The following NCALD variants were observed in gnomAD, a reference collection of about 807,000 sequenced individuals.
The protein encoded by NCALD is neurocalcin delta, also known as neurocalcin-delta.
Under a neutral mutation model 18.6 loss-of-function variants are expected in NCALD, and 10 were observed. That is an observed-to-expected ratio of 0.54 (90% CI 0.33 to 0.91). NCALD has a LOEUF of 0.91. NCALD is among the 40% of genes least tolerant of loss of function. The pLI is 0.03. For synonymous variants in NCALD, 88 were observed against 87.4 expected (o/e 1.01, Z -0.04); for missense variants, 184 against 247.6 (o/e 0.74, Z 1.72).
At chr8:102,009,964 C>G (rs561536447) in intron 2 of NCALD, among the ~76,000 whole-genome samples, 1 of 152,324 alleles carries the variant, frequency 6.6e-6, no homozygotes, top group South Asian at 2.1e-4. Context: ...CTGTGTCCCC[C>G]AGTACTGGGG....
chr8:101,975,132 G>A (rs1372045380), intron 2 of NCALD: 1 of 152,136 alleles, frequency 6.6e-6, no homozygotes, highest in Non-Finnish European at 1.5e-5. Context: ...GCTCTAAGGG[G>A]ATCAAATAAA....
At chr8:102,116,707 C>CTTGT (rs1825800454) in intron 1 of NCALD, among the ~76,000 whole-genome samples, 2 of 151,970 alleles carry the variant, frequency 1.3e-5, no homozygotes, top group Non-Finnish European at 2.9e-5. Flanking sequence ...GGGGTCTCAC[C>CTTGT]TTGTTGGCCA....
At chr8:101,804,706 A>T (rs200189878) in intron 4 of NCALD, among the ~76,000 whole-genome samples, 45 of 143,028 alleles carry the variant, frequency 3.1e-4, no homozygotes, top group African/African-American at 1.1e-3. Flanking sequence ...ATTATATATA[A>T]ATAATTATAA....
At chr8:101,780,110 T>A (rs1274981013) in intron 1 of NCALD, 1 of 152,174 alleles carries the variant, frequency 6.6e-6, no homozygotes, top group Non-Finnish European at 1.5e-5. Context: ...TTTCCAAATG[T>A]CCAACCATAA....
intron 2 of NCALD, among the ~76,000 whole-genome samples, chr8:101,929,499 A>G (rs1586772043): frequency 3.3e-5 from 1 of 29,856 alleles, no homozygotes. Flanking sequence ...GGGAAAGGAA[A>G]GGGAAGGGAA....
At chr8:101,837,401 T>C (rs1408707900) in intron 4 of NCALD, among the ~76,000 whole-genome samples, 1 of 152,204 alleles carries the variant, frequency 6.6e-6, no homozygotes, top group Non-Finnish European at 1.5e-5. Context: ...AATCAAACCA[T>C]TTAATTCCGT....
intron 2 of NCALD, among the ~76,000 whole-genome samples, chr8:101,996,410 C>G (rs939884313): frequency 6.6e-6 from 1 of 152,192 alleles, no homozygotes; most frequent in Non-Finnish European, 1.5e-5. Flanking sequence ...TAACCAAGGA[C>G]ACAAGGTGAA....
intron 1 of NCALD, among the ~76,000 whole-genome samples, chr8:101,730,949 T>A (rs1816803419): frequency 6.6e-6 from 1 of 152,150 alleles, no homozygotes. Flanking sequence ...TAGATGAAGA[T>A]GTGCCACGGA....
intron 2 of NCALD, among the ~76,000 whole-genome samples, chr8:102,006,082 T>C (rs961656190): frequency 4.6e-5 from 7 of 152,164 alleles, no homozygotes. Context: ...AGCACTGTTT[T>C]ATCCAAACCT....
chr8:101,906,725 G>C (rs1256762433), intron 3 of NCALD, among the ~76,000 whole-genome samples: 1 of 152,216 alleles, frequency 6.6e-6, no homozygotes, highest in Non-Finnish European at 1.5e-5. Flanking sequence ...GGACTACAGA[G>C]TGGGTCAAGA....
chr8:101,893,392 C>T (rs1485873411), intron 3 of NCALD, among the ~76,000 whole-genome samples: 5 of 150,996 alleles, frequency 3.3e-5, no homozygotes, highest in African/African-American at 1.2e-4. Context: ...ACAACCAGTA[C>T]CAGCCACTGC....
At chr8:101,888,625 C>A (rs762414615) in intron 3 of NCALD, among the ~76,000 whole-genome samples, 1 of 151,750 alleles carries the variant, frequency 6.6e-6, no homozygotes, top group Non-Finnish European at 1.5e-5. Flanking sequence ...CTATGTTGCC[C>A]AGGCTGGTCT....
chr8:101,888,910 T>C (rs1586697953), intron 3 of NCALD, among the ~76,000 whole-genome samples: 1 of 152,178 alleles, frequency 6.6e-6, no homozygotes, highest in African/African-American at 2.4e-5. Context: ...ACATTGCCAG[T>C]TGCCTATCCA....
At chr8:102,008,911 C>T (rs1461645092) in intron 2 of NCALD, among the ~76,000 whole-genome samples, 2 of 99,980 alleles carry the variant, frequency 2.0e-5, no homozygotes, top group East Asian at 5.1e-4. Flanking sequence ...TCCACCCCCG[C>T]CCCCCTACAC....
At chr8:101,763,937 T>C (rs1046218328) in intron 1 of NCALD, among the ~76,000 whole-genome samples, 5 of 145,286 alleles carry the variant, frequency 3.4e-5, no homozygotes, top group South Asian at 2.2e-4. Context: ...GATGAGCCAA[T>C]TCTTTATGAC....
intron 4 of NCALD, among the ~76,000 whole-genome samples, chr8:101,805,693 CAAGTTT>C (rs1482921458): frequency 1.3e-5 from 2 of 152,100 alleles, no homozygotes; most frequent in Non-Finnish European, 2.9e-5. Flanking sequence ...TGTAAAAGTT[CAAGTTT>C]AAGGGTGCTC....
At chr8:101,792,397 G>A (rs1586517967), upstream of NCALD, among the ~76,000 whole-genome samples, 1 of 152,208 alleles carries the variant, frequency 6.6e-6, no homozygotes, top group South Asian at 2.1e-4. Context: ...TTCTGTCCCA[G>A]CCCCAATTGG....
At chr8:101,713,269 C>A (rs1815897205) in intron 2 of NCALD, among the ~76,000 whole-genome samples, 2 of 152,206 alleles carry the variant, frequency 1.3e-5, no homozygotes, top group South Asian at 4.2e-4. Flanking sequence ...TGGGACACAG[C>A]TACAGCAGTG....
chr8:101,736,981 T>C (rs376924660), intron 1 of NCALD, among the ~76,000 whole-genome samples: 4 of 152,214 alleles, frequency 2.6e-5, no homozygotes, highest in East Asian at 1.9e-4. Flanking sequence ...AGTTGTTTTA[T>C]TGCTGTGTTT....
Sources: allele counts gnomAD v4.1 joint callset (sites outside exome capture counted in the v4.1 genomes callset), GRCh38; gene constraint gnomAD v4.1.1; transcripts MANE v1.5; gene names NCBI Gene and HGNC (gene_info 2026-07-23, HGNC 2026-07-21).